Variants in CACNA1H observed in about 807,000 individuals in gnomAD.
CACNA1H encodes the protein calcium voltage-gated channel subunit alpha1 H, also known as voltage-dependent T-type calcium channel subunit alpha-1H.
CACNA1H carries 149 observed loss-of-function variants against 192.5 expected under a neutral mutation model. That is an observed-to-expected ratio of 0.77 (90% CI 0.68 to 0.89). CACNA1H has a LOEUF of 0.89. Ranked by LOEUF, CACNA1H falls within the 40% of genes least tolerant of loss-of-function variation. The pLI is 0.00. For missense variants in CACNA1H, 4,257 were observed against 3,423.5 expected, an observed-to-expected ratio of 1.24 and a Z score of -6.08; for synonymous variants, 2,202 against 1,475.2, an observed-to-expected ratio of 1.49 and a Z score of -11.29.
intron 2 of CACNA1H, among the ~76,000 whole-genome samples, chr16:1,175,594 C>T (rs1439231646): frequency 6.6e-6 from 1 of 152,218 alleles, no homozygotes; most frequent in Non-Finnish European, 1.5e-5. Context: ...TTGCCGTGCC[C>T]ACTGCTGACA....
At chr16:1,158,378 G>A (rs532594046) in intron 2 of CACNA1H, among the ~76,000 whole-genome samples, 1 of 151,944 alleles carries the variant, frequency 6.6e-6, no homozygotes, top group African/African-American at 2.4e-5. Flanking sequence ...GACAGGGTAG[G>A]GGGTCCGCCG....
At chr16:1,200,858 C>T (rs769940085) in intron 8 of CACNA1H, 50 bp downstream of exon 8, 20 of 1,333,222 alleles carry the variant, frequency 1.5e-5, no homozygotes, top group South Asian at 5.0e-5. Context: ...TGTTAGCTGG[C>T]TGGGGGTGGG....
At chr16:1,177,966 C>T (rs1011892184) in intron 2 of CACNA1H, among the ~76,000 whole-genome samples, 2 of 151,588 alleles carry the variant, frequency 1.3e-5, no homozygotes, top group African/African-American at 2.4e-5. Context: ...GCCCTTTCTC[C>T]CTGGGACCCC....
At chr16:1,155,485 T>C (rs942566206) in intron 2 of CACNA1H, among the ~76,000 whole-genome samples, 6 of 152,010 alleles carry the variant, frequency 3.9e-5, no homozygotes, top group Non-Finnish European at 8.8e-5. Flanking sequence ...CAGCAGGCCA[T>C]GGGGAAGGGT....
chr16:1,199,587 C>A (rs377319875), intron 6 of CACNA1H, among the ~76,000 whole-genome samples: 2 of 150,958 alleles, frequency 1.3e-5, no homozygotes, highest in African/African-American at 4.9e-5. Context: ...CCCCAGAGTC[C>A]GTCACACCTT....
rs59091981 is a variant in CACNA1H, at chr16:1,200,708, C to T, written c.1120-8C>T. 0.012 allele frequency: 18,363 copies of T among 1,565,138 alleles called. 139 individuals carry two copies. Among genetic ancestry groups the T allele is most frequent in the Non-Finnish European group, 0.014 (16,146 of 1,155,126 alleles). ...GTGCGGGCCCAAGTCAAGCCACTGC[C>T]CCCCCAGGTGATCACGCTGGAAGGC... is the stretch of plus-strand genomic sequence containing the variant. On this transcript the variant is annotated splice_polypyrimidine_tract_variant and splice_region_variant and intron_variant, in intron 7 of 34. Transcript: ENST00000348261.
In CACNA1H at chr16:1,204,283, C is replaced by A. The variant is rs1423508817; in HGVS notation, c.2276C>A (p.Pro759His). The A allele has an allele frequency of 6.2e-7, 1 of 1,607,798 alleles. No individual in the cohort carries two copies. The highest frequency in any genetic ancestry group is 1.1e-5 in the South Asian group (1 of 90,550). The change falls in exon 10 of 35, where the codon CCC becomes CAC. Residue 759 changes from proline (P) to histidine (H), a missense_variant. Pro to His is a moderately conservative substitution (Grantham distance 77). Transcript: ENST00000348261. ...TDTPGPGPGS[P>H]QRRAQQRAAP... ...ACACCAGGCCCAGGCCCAGGCAGCC[C>A]CCAGCGGCGGGCACAGCAGAGGGCA... is the stretch of plus-strand genomic sequence containing the variant.
chr16:1,183,500 T>C (rs889064069), intron 2 of CACNA1H, among the ~76,000 whole-genome samples: 1 of 152,142 alleles, frequency 6.6e-6, no homozygotes, highest in African/African-American at 2.4e-5. Context: ...AGTCAGCGCA[T>C]CCCCGGCAAC....
At chr16:1,211,693 G>C in intron 23 of CACNA1H, 23 bp from the exon 24 acceptor site, 1 of 1,612,328 alleles carries the variant, frequency 6.2e-7, no homozygotes, top group East Asian at 2.2e-5. Flanking sequence ...ACCCTCGCCA[G>C]TGACCCTGGC....
At chr16:1,175,321 C>G (rs969802042) in intron 2 of CACNA1H, among the ~76,000 whole-genome samples, 1 of 152,176 alleles carries the variant, frequency 6.6e-6, no homozygotes, top group Admixed American at 6.5e-5. Context: ...CTGGGGAGCC[C>G]CGGGAGGGCC....
At chr16:1,183,651 C>T (rs1490231975) in intron 2 of CACNA1H, among the ~76,000 whole-genome samples, 1 of 152,252 alleles carries the variant, frequency 6.6e-6, no homozygotes, top group Non-Finnish European at 1.5e-5. Flanking sequence ...GCACTCAGGG[C>T]AGGCTCTGGA....
chr16:1,169,078 AG>A (rs1964095718), intron 2 of CACNA1H, among the ~76,000 whole-genome samples: 1 of 148,082 alleles, frequency 6.8e-6, no homozygotes, highest in South Asian at 2.1e-4. Flanking sequence ...AGATGGAGGG[AG>A]GAAAGGTTCT....
Position 1,215,466 on chromosome 16 carries a change from C to G in CACNA1H, c.5174-57C>G, listed in dbSNP as rs1026313383. 1.3e-5 allele frequency: 21 copies of G among 1,589,984 alleles called. No individual in the cohort carries two copies. The African/African-American group carries it at 1.6e-4, about 12-fold the overall frequency. On this transcript the variant is annotated intron_variant, in intron 29 of 34. Coordinates refer to ENST00000348261, the MANE Select transcript of CACNA1H (RefSeq NM_021098.3). ...GAGTGAGGGGCGGGGCGGCCAGGGT[C>G]CCCGCGCAGCAGGGAGGGTCCGCCC... is the stretch of plus-strand genomic sequence containing the variant.
intron 27 of CACNA1H, among the ~76,000 whole-genome samples, chr16:1,214,161 G>A (rs572382813): frequency 1.2e-3 from 189 of 152,210 alleles, no homozygotes; most frequent in African/African-American, 4.2e-3. Context: ...CCAAGGAGGG[G>A]CTGGCGGGAG....
At chr16:1,174,947 C>G in intron 2 of CACNA1H, among the ~76,000 whole-genome samples, 1 of 150,340 alleles carries the variant, frequency 6.7e-6, no homozygotes, top group Admixed American at 6.6e-5. Context: ...TCCACCCCCC[C>G]ACCCCCCACC....
intron 26 of CACNA1H, among the ~76,000 whole-genome samples, chr16:1,213,326 C>T (rs993050539): frequency 1.3e-5 from 2 of 152,200 alleles, no homozygotes; most frequent in African/African-American, 4.8e-5. Context: ...CAGCCTGAGG[C>T]CAGGCAAGGA....
At chr16:1,188,466 C>T (rs1475773789) in intron 2 of CACNA1H, among the ~76,000 whole-genome samples, 4 of 152,164 alleles carry the variant, frequency 2.6e-5, no homozygotes, top group African/African-American at 9.7e-5. Context: ...TGGCTCCTGG[C>T]CCCAAGAATC....
chr16:1,195,307 G>C (rs1966866203), intron 3 of CACNA1H, 125 bp from the exon 4 acceptor site: 12 of 1,307,638 alleles, frequency 9.2e-6, no homozygotes, highest in Non-Finnish European at 1.3e-5. Context: ...CTGGGGCTCA[G>C]GGCGGGGCAG....
rs1969115016 is a variant in CACNA1H, at chr16:1,209,123, C to T, written c.3455C>T (p.Pro1152Leu). ...RSSWSSLGRAPSLKRRGQCGE... is the reference protein window; with the variant it reads ...RSSWSSLGRALSLKRRGQCGE... Reference sequence around the variant, plus strand: ...AGCTGGAGCAGCCTGGGCCGTGCCCCCAGCCTCAAGCGCCGCGGCCAGTGT... The same window carrying T: ...AGCTGGAGCAGCCTGGGCCGTGCCCTCAGCCTCAAGCGCCGCGGCCAGTGT... Residue 1152 changes from proline to leucine, a missense_variant, in exon 17 of 35, where the codon CCC (proline) becomes CTC (leucine). Physicochemically the swap from Pro to Leu is moderately conservative, Grantham distance 98 (BLOSUM62 -3). Transcript: ENST00000348261. 3 of 1,555,454 alleles carry T rather than the reference C, an allele frequency of 1.9e-6. No homozygotes were observed. Among genetic ancestry groups the T allele is most frequent in the Non-Finnish European group, 2.6e-6 (3 of 1,151,176 alleles).
Sources: gnomAD v4.1 joint callset for allele counts (sites outside exome capture counted in the v4.1 genomes callset) on GRCh38, gnomAD v4.1.1 for gene constraint, MANE v1.5 for transcripts, NCBI Gene and HGNC (gene_info 2026-07-23, HGNC 2026-07-21) for gene names.